The following CRTAM variants were observed in gnomAD, a reference collection of about 807,000 sequenced individuals.
CRTAM encodes cytotoxic and regulatory T cell molecule, also known as cytotoxic and regulatory T-cell molecule.
Under a neutral mutation model 50.0 loss-of-function variants are expected in CRTAM, and 44 were observed. That is an observed-to-expected ratio of 0.88 (90% confidence interval 0.69 to 1.13). CRTAM has a LOEUF of 1.13. Among genes scored for constraint, CRTAM ranks in the 50% most tolerant of loss-of-function variants. The probability of loss-of-function intolerance (pLI) is 0.00; values close to 1 mark genes in which losing one functional copy is unlikely to be tolerated. For missense variants in CRTAM, 448 were observed against 457.5 expected, an observed-to-expected ratio of 0.98 and a Z score of 0.19; for synonymous variants, 159 against 169.3, an observed-to-expected ratio of 0.94 and a Z score of 0.47.
intron 5 of CRTAM, among the ~76,000 whole-genome samples, chr11:122,858,529 TC>T (rs1207521582): frequency 1.3e-5 from 2 of 151,878 alleles, no homozygotes; most frequent in Admixed American, 6.6e-5. Flanking sequence ...CACACCTGGC[TC>T]TTTTTGTTGT....
rs926720614 is a variant in CRTAM, at chr11:122,851,551, G to A, written c.194-142G>A. On this transcript the variant is annotated intron_variant, in intron 2 of 9. Coordinates refer to ENST00000227348, the MANE Select transcript of CRTAM (RefSeq NM_019604.4). ...CCACCCGGAATGATCTTACCTTCCC[G>A]TGGAGATAGGACAATGTCTGGAGAT... 19 of 737,842 alleles carry A rather than the reference G, an allele frequency of 2.6e-5. No individual in the cohort carries two copies. In the Admixed American group the frequency reaches 2.9e-4, roughly 11 times the overall value. 45.7% of individuals were successfully genotyped at this position (737,842 alleles called of 1,614,324 possible).
chr11:122,862,452 C>T lies in CRTAM; in HGVS notation c.653-12C>T. ...TCTATAGTAGCAGAATTTTGTTTTT[C>T]CCCTTTCCTAGTTACTGATGAAGAG... On this transcript the variant is annotated splice_polypyrimidine_tract_variant and intron_variant, in intron 5 of 9. Transcript: ENST00000227348. 1.9e-6 allele frequency: 3 copies of T among 1,595,412 alleles called. No individual in the cohort carries two copies. Among genetic ancestry groups the T allele is most frequent in the South Asian group, 1.1e-5 (1 of 90,714 alleles).
intron 2 of CRTAM, 105 bp from the exon 3 acceptor site, chr11:122,851,588 T>C: frequency 1.0e-6 from 1 of 992,450 alleles, no homozygotes; most frequent in Non-Finnish European, 1.6e-6. Flanking sequence ...GTTTTGATTG[T>C]GCCAAATGTA....
At chr11:122,839,708 A>C (rs1266950075) in intron 1 of CRTAM, among the ~76,000 whole-genome samples, 2 of 152,068 alleles carry the variant, frequency 1.3e-5, no homozygotes, top group East Asian at 3.9e-4. Flanking sequence ...TCACAAATCC[A>C]CTCAAAAATT....
chr11:122,861,410 A>G lies in CRTAM; in HGVS notation c.653-1054A>G, dbSNP rs1230613908. On this transcript the variant is annotated intron_variant, in intron 5 of 9. Transcript: ENST00000227348. The stretch of plus-strand genomic sequence containing the variant: ...CGTATATATATATATATATATATAT[A>G]TATATATATATTTTTTTTTTTTTTT... Among the ~76,000 whole-genome samples the G allele has an allele frequency of 7.9e-3, 206 of 26,058 alleles. 1 individual carries two copies. Among genetic ancestry groups the G allele is most frequent in the African/African-American group, 0.024 (145 of 6,050 alleles). The allele number at this position is 26,058 out of a possible 152,430, so 17.1% of individuals were successfully genotyped here.
rs919342655 is a variant in CRTAM, at chr11:122,871,675, A to G, written c.*276A>G. On this transcript the variant is annotated 3_prime_UTR_variant, in exon 10 of 10. Coordinates refer to ENST00000227348, the MANE Select transcript of CRTAM (RefSeq NM_019604.4). ...AGGATTCTACGAAGCCTTGGGGATC[A>G]GGGTCAGTGTGAGCAGCTAACATCC... 1 of 214,678 alleles carries G rather than the reference A, an allele frequency of 4.7e-6. No individual in the cohort carries two copies. Among genetic ancestry groups the G allele is most frequent in the Non-Finnish European group, 9.1e-6 (1 of 109,526 alleles). The allele number at this position is 214,678 out of a possible 1,614,324, so 13.3% of individuals were successfully genotyped here.
intron 5 of CRTAM, among the ~76,000 whole-genome samples, chr11:122,860,643 T>C (rs1862059856): frequency 6.6e-6 from 1 of 152,248 alleles, no homozygotes; most frequent in South Asian, 2.1e-4. Flanking sequence ...GTATATACTA[T>C]GTTAGAAGAT....
rs754072270 is a variant in CRTAM at position 122,851,781 on chromosome 11, C to T, written c.282C>T (p.Gly94=). The change falls in exon 3 of 10, where the codon GGC becomes GGT. Residue 94 remains glycine (G), a synonymous_variant. Coordinates refer to ENST00000227348, the MANE Select transcript of CRTAM (RefSeq NM_019604.4). ...CTAACGTAACCCTGCAAGATGAAGG[C>T]GTGTACAAGTGCTTACATTACAGCG... is the stretch of plus-strand genomic sequence containing the variant. The part of the protein sequence containing the change: ...TVPNVTLQDE[G]VYKCLHYSDS... The T allele has an allele frequency of 2.0e-5, 32 of 1,613,956 alleles. No individual in the cohort carries two copies. The highest frequency in any genetic ancestry group is 8.9e-5 in the East Asian group (4 of 44,884).
In CRTAM at chr11:122,865,800, T is replaced by A. The variant is rs1862164370; in HGVS notation, c.817+1081T>A. On this transcript the variant is annotated intron_variant, in intron 7 of 9. Coordinates refer to ENST00000227348, the MANE Select transcript of CRTAM (RefSeq NM_019604.4). ...ACACGGGTCCCAAACCTTGGTGTTA[T>A]CTATCACTCCTATGTATGTGTACAA... Among the ~76,000 whole-genome samples the A allele has an allele frequency of 2.0e-5, 3 of 152,232 alleles. No homozygotes were observed. The South Asian group carries it at 6.2e-4, about 32-fold the overall frequency.
chr11:122,862,191 A>G lies in CRTAM; in HGVS notation c.653-273A>G, dbSNP rs114903356. 1,855 of 447,896 alleles carry G rather than the reference A, an allele frequency of 4.1e-3. 31 individuals carry two copies. The highest frequency in any genetic ancestry group is 0.032 in the African/African-American group (1,660 of 51,176). The allele number at this position is 447,896 out of a possible 1,614,324, so 27.7% of individuals were successfully genotyped here. ...GATTGATTGATGGATAGAAGGACACAGATAGAAACAGTGAATACTCTTTGC... is the reference window on the plus strand; with the variant it reads ...GATTGATTGATGGATAGAAGGACACGGATAGAAACAGTGAATACTCTTTGC... On this transcript the variant is annotated intron_variant, in intron 5 of 9. Coordinates refer to ENST00000227348, the MANE Select transcript of CRTAM (RefSeq NM_019604.4).
chr11:122,865,064 T>G (rs1862151759), intron 7 of CRTAM, among the ~76,000 whole-genome samples: 1 of 152,060 alleles, frequency 6.6e-6, no homozygotes, highest in Admixed American at 6.6e-5. Context: ...GAGACAGAGT[T>G]TCTTTCTTGT....
At chr11:122,863,363 GAAAGAA>G in intron 6 of CRTAM, among the ~76,000 whole-genome samples, 1 of 150,784 alleles carries the variant, frequency 6.6e-6, no homozygotes, top group Non-Finnish European at 1.5e-5. Context: ...AAGAAAGAAA[GAAAGAA>G]AAAGAAAGAA....
intron 6 of CRTAM, 45 bp from the exon 7 acceptor site, chr11:122,864,591 T>C: frequency 7.4e-7 from 1 of 1,344,982 alleles, no homozygotes. Context: ...TAGTCACATG[T>C]ATATAATGCA....
chr11:122,869,159 T>C (rs774223357), intron 9 of CRTAM, among the ~76,000 whole-genome samples: 6 of 152,320 alleles, frequency 3.9e-5, no homozygotes, highest in Admixed American at 2.6e-4. Context: ...TAGCAGAAGG[T>C]GACTTCCTTT....
chr11:122,854,200 T>A (rs775730240), intron 4 of CRTAM, 114 bp downstream of exon 4: 109 of 1,006,384 alleles, frequency 1.1e-4, no homozygotes, highest in Non-Finnish European at 1.5e-4. Flanking sequence ...CATTTAATAT[T>A]TCATCAGCTC....
rs1319121686 is a variant in CRTAM at position 122,855,694 on chromosome 11, G to T, written c.491-1G>T. 1.9e-6 allele frequency: 3 copies of T among 1,613,840 alleles called. No individual in the cohort carries two copies. Among genetic ancestry groups the T allele is most frequent in the Non-Finnish European group, 2.5e-6 (3 of 1,179,884 alleles). On this transcript the variant is annotated splice_acceptor_variant, in intron 4 of 9. Coordinates refer to ENST00000227348, the MANE Select transcript of CRTAM (RefSeq NM_019604.4). LOFTEE classifies it high-confidence loss of function. ...CATAACCTCTTCAAATTGCTACATAGGTGGAACGCTCCATGAATTTGAAAC... is the reference window on the plus strand; with the variant it reads ...CATAACCTCTTCAAATTGCTACATATGTGGAACGCTCCATGAATTTGAAAC...
At chr11:122,842,132 G>A (rs1401712737) in intron 1 of CRTAM, among the ~76,000 whole-genome samples, 1 of 152,216 alleles carries the variant, frequency 6.6e-6, no homozygotes, top group African/African-American at 2.4e-5. Context: ...TATCTGAAAA[G>A]GAGTATCACG....
At position 122,864,083 on chromosome 11, in the gene CRTAM, G is replaced by A. The variant is rs560815320; in HGVS notation, c.734-553G>A. The stretch of plus-strand genomic sequence containing the variant: ...CCCACTTCTAATGGGGAGGCAAGCA[G>A]AGGTTTGAATAACTGAAGCTATATT... On this transcript the variant is annotated intron_variant, in intron 6 of 9. Transcript: ENST00000227348. Among the ~76,000 whole-genome samples, 9 of 152,264 alleles carry A rather than the reference G, an allele frequency of 5.9e-5. No homozygotes were observed. The South Asian group carries it at 1.2e-3, about 21-fold the overall frequency.
chr11:122,858,508 G>A (rs569029488), intron 5 of CRTAM, among the ~76,000 whole-genome samples: 2 of 152,138 alleles, frequency 1.3e-5, no homozygotes, highest in South Asian at 4.2e-4. Context: ...GGGATTACAA[G>A]CATGAACCAC....
Sources: allele counts gnomAD v4.1 joint callset (sites outside exome capture counted in the v4.1 genomes callset), GRCh38; gene constraint gnomAD v4.1.1; transcripts MANE v1.5; gene names NCBI Gene and HGNC (gene_info 2026-07-23, HGNC 2026-07-21).